NALCN: variants seen among roughly 807,000 people sequenced by gnomAD.
The protein encoded by NALCN is sodium leak channel NALCN.
Under a neutral mutation model 225.3 loss-of-function variants are expected in NALCN, and 111 were observed. The ratio of observed to expected loss-of-function variants is 0.49; its 90% confidence interval spans 0.42 to 0.58. The LOEUF is 0.58. Among genes scored for constraint, NALCN ranks in the 20% least tolerant of loss-of-function variants. The pLI, the probability that NALCN is intolerant of heterozygous loss-of-function variation, is 0.00. For missense variants in NALCN, 1,378 were observed against 2,202.4 expected (o/e 0.63, Z 7.49); for synonymous variants, 764 against 769.0 (o/e 0.99, Z 0.11).
chr13:101,227,631 A>T (rs2041196071), intron 13 of NALCN, among the ~76,000 whole-genome samples: 1 of 152,188 alleles, frequency 6.6e-6, no homozygotes, highest in Non-Finnish European at 1.5e-5. Flanking sequence ...CTGACCAGCC[A>T]GCCAGCATTG....
rs1566794286 is a variant in NALCN, at chr13:101,083,092, CT to C, written c.3689del (p.Lys1230SerfsTer8). ...VLAQSVLLSV[K>X]WDVEDPVTVP... The stretch of plus-strand genomic sequence containing the variant: ...GGAGTCTTAGGGTGAAACGAAGTAC[CT>C]TGACAGAGAGCAACACCGACTGGGC... On this transcript the variant is annotated frameshift_variant and splice_region_variant, in exon 32 of 44. Coordinates refer to ENST00000251127, the MANE Select transcript of NALCN (RefSeq NM_052867.4). LOFTEE classifies it high-confidence loss of function. 1 of 1,613,914 alleles carries C rather than the reference CT, an allele frequency of 6.2e-7. No homozygotes were observed.
intron 1 of NALCN, among the ~76,000 whole-genome samples, chr13:101,413,182 T>G (rs1304425943): frequency 3.3e-5 from 5 of 152,206 alleles, no homozygotes; most frequent in Non-Finnish European, 7.3e-5. Flanking sequence ...GAAATCAATT[T>G]AAAGACATAC....
chr13:101,233,667 C>T (rs1040937286), intron 12 of NALCN, among the ~76,000 whole-genome samples: 5 of 152,036 alleles, frequency 3.3e-5, no homozygotes, highest in African/African-American at 9.7e-5. Flanking sequence ...CCATCATCTG[C>T]TAGGTATGCG....
chr13:101,111,048 G>A, intron 19 of NALCN, 77 bp downstream of exon 19: 1 of 1,434,660 alleles, frequency 7.0e-7, no homozygotes, highest in South Asian at 1.2e-5. Context: ...TGACAGCCGT[G>A]ACTGTGTACA....
intron 12 of NALCN, among the ~76,000 whole-genome samples, chr13:101,233,962 C>G (rs1263025361): frequency 6.6e-6 from 1 of 152,094 alleles, no homozygotes; most frequent in Non-Finnish European, 1.5e-5. Flanking sequence ...AATCATGCAC[C>G]CACCTCAGGA....
chr13:101,069,644 G>C (rs910078017), intron 37 of NALCN, among the ~76,000 whole-genome samples: 3 of 152,216 alleles, frequency 2.0e-5, no homozygotes, highest in Non-Finnish European at 1.5e-5. Context: ...ATGTGATGCT[G>C]TTTGCTAGCA....
chr13:101,204,207 G>A (rs529381890), intron 13 of NALCN, among the ~76,000 whole-genome samples: 16 of 152,268 alleles, frequency 1.1e-4, no homozygotes, highest in South Asian at 1.0e-3. Context: ...GAACTTAGGC[G>A]TTTAAAATAT....
At chr13:101,055,594 G>T in intron 43 of NALCN, 106 bp from the exon 44 acceptor site, 1 of 885,430 alleles carries the variant, frequency 1.1e-6, no homozygotes, top group Non-Finnish European at 1.7e-6. Flanking sequence ...TGGCTAACGT[G>T]TCCTAGCCAC....
chr13:101,084,004 T>C (rs2033804690), intron 30 of NALCN, among the ~76,000 whole-genome samples, 200 bp from the exon 31 acceptor site: 1 of 152,134 alleles, frequency 6.6e-6, no homozygotes, highest in Non-Finnish European at 1.5e-5. Context: ...TGACCAGGTG[T>C]TTCAGAGAGA....
intron 17 of NALCN, among the ~76,000 whole-genome samples, chr13:101,125,023 C>T (rs908769143): frequency 4.6e-5 from 7 of 152,140 alleles, no homozygotes; most frequent in African/African-American, 1.2e-4. Context: ...CTCTAATCCA[C>T]ATTATGTCTG....
intron 2 of NALCN, among the ~76,000 whole-genome samples, chr13:101,397,808 T>C (rs536332654): frequency 3.7e-4 from 56 of 152,196 alleles, no homozygotes; most frequent in African/African-American, 1.3e-3. Context: ...CATACAAATA[T>C]AAAACAGGCT....
chr13:101,258,403 G>C, intron 11 of NALCN, 40 bp downstream of exon 11: 1 of 1,612,546 alleles, frequency 6.2e-7, no homozygotes, highest in Non-Finnish European at 8.5e-7. Flanking sequence ...CGGTTCACCT[G>C]CTCCTTGCCC....
chr13:101,371,854 C>T (rs930814280), intron 6 of NALCN, among the ~76,000 whole-genome samples: 1 of 152,182 alleles, frequency 6.6e-6, no homozygotes, highest in African/African-American at 2.4e-5. Context: ...CCAGGCTGGG[C>T]TCAGGATTGT....
chr13:101,147,118 T>C (rs957940225), intron 15 of NALCN, among the ~76,000 whole-genome samples: 2 of 152,132 alleles, frequency 1.3e-5, no homozygotes, highest in African/African-American at 2.4e-5. Context: ...GGACATATCA[T>C]TGAAATGAGA....
At position 101,156,166 on chromosome 13, in the gene NALCN, T is replaced by A. The variant is rs528406188; in HGVS notation, c.1840-11270A>T. Reference sequence around the variant, plus strand: ...CTTCTCTAGTCTTCAGACATACTTCTATCTATTTTGTTTGTTTGTTTGTTT... The same window carrying A: ...CTTCTCTAGTCTTCAGACATACTTCAATCTATTTTGTTTGTTTGTTTGTTT... On this transcript the variant is annotated intron_variant, in intron 15 of 43. Coordinates refer to ENST00000251127, the MANE Select transcript of NALCN (RefSeq NM_052867.4). Among the ~76,000 whole-genome samples the A allele has an allele frequency of 3.4e-3, 401 of 117,116 alleles. 1 individual carries two copies. The highest frequency in any genetic ancestry group is 0.011 in the African/African-American group (386 of 36,746). 76.8% of individuals were successfully genotyped at this position (117,116 alleles called of 152,430 possible). A position where few individuals can be genotyped will look rare whatever the true frequency, so the allele number is the denominator to read the frequency against.
intron 10 of NALCN, among the ~76,000 whole-genome samples, chr13:101,279,922 C>G (rs938127828): frequency 6.6e-6 from 1 of 151,020 alleles, no homozygotes; most frequent in Non-Finnish European, 1.5e-5. Flanking sequence ...GGGTAAGATA[C>G]CATGGTAGTC....
intron 10 of NALCN, among the ~76,000 whole-genome samples, chr13:101,269,240 ATT>A (rs1361728845): frequency 2.9e-5 from 4 of 135,918 alleles, no homozygotes; most frequent in African/African-American, 1.1e-4. Context: ...ATATATATAT[ATT>A]TTAGCCTGGT....
chr13:101,400,912 G>A (rs1207074041), intron 1 of NALCN, among the ~76,000 whole-genome samples: 1 of 151,958 alleles, frequency 6.6e-6, no homozygotes, highest in Admixed American at 6.6e-5. Flanking sequence ...TTTTATAAGT[G>A]TTTGACAGTT....
chr13:101,228,081 C>T (rs2041214582), intron 13 of NALCN, among the ~76,000 whole-genome samples: 2 of 152,146 alleles, frequency 1.3e-5, no homozygotes. Flanking sequence ...GGTTCCTCCC[C>T]TCAACTGAGA....
Sources: allele counts gnomAD v4.1 joint callset (sites outside exome capture counted in the v4.1 genomes callset), GRCh38; gene constraint gnomAD v4.1.1; transcripts MANE v1.5; gene names NCBI Gene and HGNC (gene_info 2026-07-23, HGNC 2026-07-21).